The following MAGI3 variants were observed in gnomAD, a reference collection of about 807,000 sequenced individuals.
The protein encoded by MAGI3 is membrane associated guanylate kinase, WW and PDZ domain containing 3.
In MAGI3, 43 loss-of-function variants were observed where a neutral mutation model predicts 121.8. The ratio of observed to expected loss-of-function variants is 0.35; its 90% CI spans 0.28 to 0.46. The LOEUF (loss-of-function observed/expected upper bound fraction) is 0.46, where lower values mean the gene tolerates loss of function less well. Among genes scored for constraint, MAGI3 ranks in the 20% least tolerant of loss-of-function variants. The pLI is 1.00. For missense variants in MAGI3, 1,547 were observed against 1,797.3 expected (o/e 0.86, Z 2.52); for synonymous variants, 553 against 639.3 (o/e 0.86, Z 2.04).
chr1:113,475,169 C>A (rs923613218), intron 1 of MAGI3, among the ~76,000 whole-genome samples: 3 of 152,178 alleles, frequency 2.0e-5, no homozygotes, highest in African/African-American at 4.8e-5. Flanking sequence ...AATATATAAT[C>A]ATGTCATCTG....
chr1:113,607,251 T>TTGGTAATGGCAAG (rs1649830092), intron 6 of MAGI3, among the ~76,000 whole-genome samples: 3 of 152,172 alleles, frequency 2.0e-5, no homozygotes, highest in Admixed American at 6.5e-5. Context: ...TACATACAGA[T>TTGGTAATGGCAAG]TGGTAATGGC....
intron 1 of MAGI3, among the ~76,000 whole-genome samples, chr1:113,539,455 A>C (rs1156899339): frequency 6.6e-6 from 1 of 151,868 alleles, no homozygotes; most frequent in Non-Finnish European, 1.5e-5. Context: ...TCACAAGGTA[A>C]TTACATCCTT....
chr1:113,520,011 TG>T (rs1250968011), intron 1 of MAGI3, among the ~76,000 whole-genome samples: 1 of 152,228 alleles, frequency 6.6e-6, no homozygotes, highest in Non-Finnish European at 1.5e-5. Context: ...GTAACTTGAA[TG>T]CTTATAGGTA....
intron 6 of MAGI3, among the ~76,000 whole-genome samples, chr1:113,612,044 A>G (rs1196183914): frequency 6.6e-6 from 1 of 151,830 alleles, no homozygotes; most frequent in Non-Finnish European, 1.5e-5. Context: ...CCTGGGTTCA[A>G]GTGATTCTCC....
intron 1 of MAGI3, among the ~76,000 whole-genome samples, chr1:113,393,602 T>G (rs868832887): frequency 1.1e-3 from 167 of 152,306 alleles, no homozygotes; most frequent in African/African-American, 3.8e-3. Context: ...AATAGCAAGA[T>G]TTTTGCAGGT....
intron 20 of MAGI3, chr1:113,682,188 A>G (rs1478677895): frequency 1.3e-6 from 2 of 1,549,884 alleles, no homozygotes; most frequent in African/African-American, 3.0e-5. Context: ...ACATAGTCCT[A>G]GGCTTTTTCT....
chr1:113,529,158 A>G (rs750560968), intron 1 of MAGI3, among the ~76,000 whole-genome samples: 2 of 152,220 alleles, frequency 1.3e-5, no homozygotes, highest in Admixed American at 6.5e-5. Context: ...CCACCCTGTC[A>G]TAGGTAAACA....
At chr1:113,455,051 G>C (rs1363767461) in intron 1 of MAGI3, among the ~76,000 whole-genome samples, 1 of 152,060 alleles carries the variant, frequency 6.6e-6, no homozygotes, top group Non-Finnish European at 1.5e-5. Flanking sequence ...ATTACCTCTT[G>C]TTCATTAAAA....
At chr1:113,440,633 T>C (rs1653864892) in intron 1 of MAGI3, among the ~76,000 whole-genome samples, 1 of 152,146 alleles carries the variant, frequency 6.6e-6, no homozygotes, top group Non-Finnish European at 1.5e-5. Context: ...AACAAGTTGA[T>C]TGTGATTAGA....
At chr1:113,630,790 C>T (rs1291216740) in intron 9 of MAGI3, among the ~76,000 whole-genome samples, 3 of 151,990 alleles carry the variant, frequency 2.0e-5, no homozygotes, top group African/African-American at 4.8e-5. Context: ...TGGCTGCTAC[C>T]GGGAGCTAAG....
chr1:113,540,956 T>C (rs1480390304), intron 1 of MAGI3, among the ~76,000 whole-genome samples: 2 of 152,360 alleles, frequency 1.3e-5, no homozygotes, highest in East Asian at 1.9e-4. Flanking sequence ...TTAGAATATA[T>C]ATTTTTAGTT....
intron 9 of MAGI3, among the ~76,000 whole-genome samples, chr1:113,632,101 A>G (rs1379228979): frequency 1.3e-5 from 2 of 152,198 alleles, no homozygotes; most frequent in Non-Finnish European, 2.9e-5. Context: ...TTGATCTCTC[A>G]TATTATGCTT....
chr1:113,559,562 A>C (rs1387409335), intron 2 of MAGI3, among the ~76,000 whole-genome samples: 1 of 151,150 alleles, frequency 6.6e-6, no homozygotes, highest in African/African-American at 2.4e-5. Flanking sequence ...AGATTCATAA[A>C]GTTCCTTTTT....
At chr1:113,464,466 C>T (rs112920796) in intron 1 of MAGI3, among the ~76,000 whole-genome samples, 40 of 152,090 alleles carry the variant, frequency 2.6e-4, no homozygotes, top group South Asian at 8.3e-4. Flanking sequence ...CATGAGAGTG[C>T]GGATATATCT....
At chr1:113,617,292 T>G (rs1650536327) in intron 7 of MAGI3, among the ~76,000 whole-genome samples, 2 of 152,236 alleles carry the variant, frequency 1.3e-5, no homozygotes, top group Non-Finnish European at 1.5e-5. Context: ...TGTGTACTAA[T>G]ATTTAATCAT....
rs562912656 is a variant in MAGI3 at position 113,440,868 on chromosome 1, A to G, written c.316+49519A>G. Among the ~76,000 whole-genome samples the G allele has an allele frequency of 2.0e-5, 3 of 152,328 alleles. No individual in the cohort carries two copies. In the South Asian group the frequency reaches 6.2e-4, roughly 32 times the overall value. ...ATCACATAAAGACTAAGAGTAGCTC[A>G]GCTATGTCCTTATATTTAAGTGCTA... On this transcript the variant is annotated intron_variant, in intron 1 of 20. Coordinates refer to ENST00000307546, the MANE Select transcript of MAGI3 (RefSeq NM_001142782.2).
At chr1:113,472,019 CAT>C (rs1225459645) in intron 1 of MAGI3, among the ~76,000 whole-genome samples, 1 of 152,156 alleles carries the variant, frequency 6.6e-6, no homozygotes, top group African/African-American at 2.4e-5. Flanking sequence ...TTTATTATTA[CAT>C]AATGACTTTT....
chr1:113,414,757 CAT>C (rs1266164780), intron 1 of MAGI3, among the ~76,000 whole-genome samples: 4 of 151,696 alleles, frequency 2.6e-5, no homozygotes, highest in Admixed American at 2.6e-4. Context: ...AATTACAAAA[CAT>C]GATATAAAAA....
chr1:113,535,913 A>G (rs554448704), intron 1 of MAGI3, among the ~76,000 whole-genome samples: 1 of 152,232 alleles, frequency 6.6e-6, no homozygotes, highest in Admixed American at 6.5e-5. Flanking sequence ...TCCTGCCTCA[A>G]TTCTGAAACC....
Sources: gnomAD v4.1 joint callset for allele counts (sites outside exome capture counted in the v4.1 genomes callset) on GRCh38, gnomAD v4.1.1 for gene constraint, MANE v1.5 for transcripts, NCBI Gene and HGNC (gene_info 2026-07-23, HGNC 2026-07-21) for gene names.